The following MMP8 variants were observed in gnomAD, a reference collection of about 807,000 sequenced individuals.
MMP8 encodes matrix metallopeptidase 8.
Under a neutral mutation model 51.2 loss-of-function variants are expected in MMP8, and 67 were observed. That is an observed-to-expected ratio of 1.31 (90% CI 1.08 to 1.60). The LOEUF is 1.60. Ranked by LOEUF, MMP8 falls within the 40% of genes most tolerant of loss-of-function variation. The pLI, the probability that MMP8 is intolerant of heterozygous loss-of-function variation, is 0.00. For missense variants in MMP8, 654 were observed against 558.1 expected, an observed-to-expected ratio of 1.17 and a Z score of -1.73; for synonymous variants, 225 against 191.0, an observed-to-expected ratio of 1.18 and a Z score of -1.47.
At chr11:102,724,604 A>AAT in intron 1 of MMP8, 150 bp downstream of exon 1, 1 of 632,874 alleles carries the variant, frequency 1.6e-6, no homozygotes, top group Non-Finnish European at 2.6e-6. Flanking sequence ...CCAGCTTGGA[A>AAT]CCCTCCAAAT....
rs778104197 is a variant in MMP8 at position 102,714,691 on chromosome 11, A to G, written c.1055T>C (p.Leu352Pro). The change falls in exon 8 of 10, where the codon CTG becomes CCG. Residue 352 changes from leucine (L) to proline (P), a missense_variant. Physicochemically the swap from Leu to Pro is moderately conservative, Grantham distance 98. Transcript: ENST00000236826. ...FLFKGNQYWA[L>P]SGYDILQGYP... ...ACCTTGCAGAATATCATAGCCACTCAGAGCCCAGTATTGGTTGCCTGTCAA... is the reference window on the plus strand; with the variant it reads ...ACCTTGCAGAATATCATAGCCACTCGGAGCCCAGTATTGGTTGCCTGTCAA... 2.6e-6 allele frequency: 4 copies of G among 1,529,974 alleles called. No homozygotes were observed. Among genetic ancestry groups the G allele is most frequent in the Non-Finnish European group, 3.5e-6 (4 of 1,142,344 alleles). The allele number at this position is 1,529,974 out of a possible 1,614,324, so 94.8% of individuals were successfully genotyped here. A position where few individuals can be genotyped will look rare whatever the true frequency, so the allele number is the denominator to read the frequency against.
chr11:102,721,994 C>T (rs550567767), intron 2 of MMP8, among the ~76,000 whole-genome samples: 116 of 151,928 alleles, frequency 7.6e-4, no homozygotes, highest in Non-Finnish European at 1.3e-3. Context: ...ATATAGTATC[C>T]CTCTCATAGG....
chr11:102,715,554 T>C, intron 6 of MMP8, 117 bp from the exon 7 acceptor site: 2 of 1,353,122 alleles, frequency 1.5e-6, no homozygotes, highest in Non-Finnish European at 2.0e-6. Context: ...AATATAACAA[T>C]CGAACGAATG....
In MMP8 at chr11:102,718,425, T is replaced by C; in HGVS notation, c.773A>G (p.Gln258Arg). 1 of 1,611,388 alleles carries C rather than the reference T, an allele frequency of 6.2e-7. No homozygotes were observed. The highest frequency in any genetic ancestry group is 8.5e-7 in the Non-Finnish European group (1 of 1,178,670). Reference sequence around the variant, plus strand: ...TGAGAAGACCTTACCATAGATGGCCTGAATGCCATCGATGTCATCTTGAGG... The same window carrying C: ...TGAGAAGACCTTACCATAGATGGCCCGAATGCCATCGATGTCATCTTGAGG... ...SLPQDDIDGI[Q>R]AIYGLSSNPI... The change falls in exon 5 of 10, where the codon CAG (glutamine) becomes CGG (arginine). Residue 258 changes from glutamine (Q) to arginine (R), a missense_variant. Coordinates refer to ENST00000236826, the MANE Select transcript of MMP8 (RefSeq NM_002424.3).
At chr11:102,722,876 G>A in intron 1 of MMP8, 2 of 1,029,984 alleles carry the variant, frequency 1.9e-6, no homozygotes, top group Non-Finnish European at 2.8e-6. Context: ...TCCAGTTAAT[G>A]GTTATGCATA....
chr11:102,713,795 G>A lies in MMP8; in HGVS notation c.1253C>T (p.Pro418Leu). 6.2e-7 allele frequency: 1 copy of A among 1,611,410 alleles called. No homozygotes were observed. Among genetic ancestry groups the A allele is most frequent in the Non-Finnish European group, 8.5e-7 (1 of 1,179,014 alleles). The stretch of plus-strand genomic sequence containing the variant: ...TGCATCAACTTTACTCTCTATTCCT[G>A]GAAAGGCACCTGATATGCTTTTGGG... ...GYPKSISGAF[P>L]GIESKVDAVF... The change falls in exon 9 of 10, where the codon CCA becomes CTA. Residue 418 changes from proline to leucine, a missense_variant. Transcript: ENST00000236826.
chr11:102,724,785 G>T lies in MMP8; in HGVS notation c.71C>A (p.Ser24Tyr). Residue 24 changes from serine (S) to tyrosine (Y), a missense_variant, in exon 1 of 10, where the codon TCT becomes TAT. By Grantham distance (144) the Ser-to-Tyr change is moderately radical (BLOSUM62 -2). Coordinates refer to ENST00000236826, the MANE Select transcript of MMP8 (RefSeq NM_002424.3). Reference protein sequence around the residue: ...HVQISKAFPVSSKEKNTKTVQ... With the variant: ...HVQISKAFPVYSKEKNTKTVQ... ...AGTTTTTGTATTTTTCTCTTTAGAA[G>T]ATACAGGAAAGGCCTTGGAAATCTG... The T allele has an allele frequency of 6.2e-7, 1 of 1,603,760 alleles. No homozygotes were observed. Among genetic ancestry groups the T allele is most frequent in the Non-Finnish European group, 8.5e-7 (1 of 1,174,016 alleles).
rs1246086454 is a variant in MMP8, at chr11:102,713,435, T to A, written c.1317A>T (p.Gly439=). 6.2e-7 allele frequency: 1 copy of A among 1,612,874 alleles called. No individual in the cohort carries two copies. Among genetic ancestry groups the A allele is most frequent in the Non-Finnish European group, 8.5e-7 (1 of 1,179,060 alleles). The change falls in exon 10 of 10, where the codon GGA becomes GGT. Residue 439 remains glycine (G), a synonymous_variant. Coordinates refer to ENST00000236826, the MANE Select transcript of MMP8 (RefSeq NM_002424.3). ...TAAGATCAAATGCGTAATATCTTGGTCCACTGAAGACATGGAAGAAATCTA... is the reference window on the plus strand; with the variant it reads ...TAAGATCAAATGCGTAATATCTTGGACCACTGAAGACATGGAAGAAATCTA... ...QQEHFFHVFS[G]PRYYAFDLIA...
rs1861174639 is a variant in MMP8 at position 102,713,168 on chromosome 11, C to T, written c.*180G>A. The T allele has an allele frequency of 7.2e-6, 4 of 556,774 alleles. No homozygotes were observed. Among genetic ancestry groups the T allele is most frequent in the South Asian group, 2.3e-5 (1 of 43,658 alleles). 34.5% of individuals were successfully genotyped at this position (556,774 alleles called of 1,614,324 possible). On this transcript the variant is annotated 3_prime_UTR_variant, in exon 10 of 10. Transcript: ENST00000236826. ...TGGAATGTGTAAGAACTGAATAAGC[C>T]TCTGCAAATAGTGGAATATTCCAAA...
At position 102,714,640 on chromosome 11, in the gene MMP8, C is replaced by G; in HGVS notation, c.1106G>C (p.Gly369Ala). 1 of 1,553,588 alleles carries G rather than the reference C, an allele frequency of 6.4e-7. No homozygotes were observed. Among genetic ancestry groups the G allele is most frequent in the Non-Finnish European group, 8.7e-7 (1 of 1,152,856 alleles). ...QGYPKDISNYGFPSSVQAIDA... is the reference protein window; with the variant it reads ...QGYPKDISNYAFPSSVQAIDA... ...AATTGCTTGGACGCTGCTGGGGAAG[C>G]CATAGTTTGATATATCCTTGGGATA... The change falls in exon 8 of 10, where the codon GGC becomes GCC. Residue 369 changes from glycine to alanine, a missense_variant. By Grantham distance (60) the Gly-to-Ala change is moderately conservative. Coordinates refer to ENST00000236826, the MANE Select transcript of MMP8 (RefSeq NM_002424.3).
Position 102,713,189 on chromosome 11 carries a change from C to A in MMP8, c.*159G>T. ...AAGCCTCTGCAAATAGTGGAATATT[C>A]CAAACATATTTTCACGGAGGACAGG... is the stretch of plus-strand genomic sequence containing the variant. On this transcript the variant is annotated 3_prime_UTR_variant, in exon 10 of 10. Coordinates refer to ENST00000236826, the MANE Select transcript of MMP8 (RefSeq NM_002424.3). 1.7e-6 allele frequency: 1 copy of A among 585,108 alleles called. No homozygotes were observed. Among genetic ancestry groups the A allele is most frequent in the Non-Finnish European group, 3.0e-6 (1 of 328,354 alleles). The allele number at this position is 585,108 out of a possible 1,614,324, so 36.2% of individuals were successfully genotyped here.
At position 102,716,436 on chromosome 11, in the gene MMP8, A is replaced by AG. The variant is rs1481929563; in HGVS notation, c.785-18_785-17insC. The AG allele has an allele frequency of 3.5e-6, 5 of 1,439,014 alleles. No individual in the cohort carries two copies. The highest frequency in any genetic ancestry group is 4.7e-6 in the Non-Finnish European group (5 of 1,054,696). 89.1% of individuals were successfully genotyped at this position (1,439,014 alleles called of 1,614,324 possible). A position where few individuals can be genotyped will look rare whatever the true frequency, so the allele number is the denominator to read the frequency against. On this transcript the variant is annotated splice_polypyrimidine_tract_variant and intron_variant, in intron 5 of 9. Coordinates refer to ENST00000236826, the MANE Select transcript of MMP8 (RefSeq NM_002424.3). ...TTGAAAGTCCTGGAAAAAAAAAAAA[A>AG]AAAAAAAAAAAGGTCTTTCTTATGA...
chr11:102,718,063 C>T (rs553544822), intron 5 of MMP8, among the ~76,000 whole-genome samples: 20 of 151,858 alleles, frequency 1.3e-4, no homozygotes, highest in African/African-American at 2.9e-4. Flanking sequence ...GCCAAGATCG[C>T]GTCACTGCAC....
At chr11:102,720,865 TTA>T (rs1018741091) in intron 4 of MMP8, among the ~76,000 whole-genome samples, 1 of 152,158 alleles carries the variant, frequency 6.6e-6, no homozygotes, top group Middle Eastern at 3.2e-3. Flanking sequence ...TAATTTCTAA[TTA>T]TAGAAATTAT....
chr11:102,712,787 A>C lies in MMP8; in HGVS notation c.*561T>G, dbSNP rs969910832. On this transcript the variant is annotated 3_prime_UTR_variant, in exon 10 of 10. Transcript: ENST00000236826. The stretch of plus-strand genomic sequence containing the variant: ...CAAAGACCCTGGTAAGCTCACATTC[A>C]TGGGTACCTGGGGTTAGAACTTCAA... 1 of 152,372 alleles carries C rather than the reference A, an allele frequency of 6.6e-6. No homozygotes were observed. Among genetic ancestry groups the C allele is most frequent in the African/African-American group, 2.4e-5 (1 of 41,420 alleles). The allele number at this position is 152,372 out of a possible 1,614,324, so 9.4% of individuals were successfully genotyped here.
chr11:102,723,630 A>T, intron 1 of MMP8: 2 of 380,092 alleles, frequency 5.3e-6, no homozygotes, highest in Non-Finnish European at 1.0e-5. Flanking sequence ...CCCTCTTTAT[A>T]ATACCCATTC....
At chr11:102,713,584 C>A in intron 9 of MMP8, 127 bp from the exon 10 acceptor site, 1 of 1,027,072 alleles carries the variant, frequency 9.7e-7, no homozygotes, top group Non-Finnish European at 1.4e-6. Flanking sequence ...AAAATTTAAA[C>A]ACCAGGTGCG....
chr11:102,717,821 T>C (rs35071069), intron 5 of MMP8, among the ~76,000 whole-genome samples: 3,348 of 152,284 alleles, frequency 0.022, 43 homozygotes, highest in Non-Finnish European at 0.036. Flanking sequence ...ATATTTAAAA[T>C]TGGGGCCAGG....
At chr11:102,723,983 T>C (rs940649806) in intron 1 of MMP8, 6 of 264,966 alleles carry the variant, frequency 2.3e-5, no homozygotes, top group African/African-American at 1.1e-4. Flanking sequence ...AAGGTTCTTG[T>C]GAGGATTAAA....
Sources: gnomAD v4.1 joint callset for allele counts (sites outside exome capture counted in the v4.1 genomes callset) on GRCh38, gnomAD v4.1.1 for gene constraint, MANE v1.5 for transcripts, NCBI Gene and HGNC (gene_info 2026-07-23, HGNC 2026-07-21) for gene names.